Variants in POLA2 observed in about 807,000 individuals in gnomAD.
POLA2 encodes DNA polymerase alpha subunit B.
POLA2 carries 47 observed loss-of-function variants against 82.8 expected under a neutral mutation model. The observed-to-expected ratio is 0.57, with a 90% confidence interval of 0.45 to 0.72. The LOEUF (loss-of-function observed/expected upper bound fraction) is 0.72. POLA2 is among the 30% of genes least tolerant of loss of function. The pLI is 0.00. For missense variants in POLA2, 634 were observed against 728.1 expected (o/e 0.87, Z 1.49); for synonymous variants, 287 against 286.8 (o/e 1.00, Z -0.01).
intron 13 of POLA2, among the ~76,000 whole-genome samples, chr11:65,291,464 TC>T (rs1276491725): frequency 6.6e-6 from 1 of 152,136 alleles, no homozygotes; most frequent in Non-Finnish European, 1.5e-5. Context: ...TGCCCTTTCC[TC>T]CCCTGCCTCC....
chr11:65,262,460 C>A, intron 1 of POLA2, 89 bp downstream of exon 1: 1 of 1,035,972 alleles, frequency 9.7e-7, no homozygotes, highest in Non-Finnish European at 1.4e-6. Context: ...GGAGCGCTTC[C>A]AATTTCCACT....
chr11:65,284,496 A>G (rs1038192840), intron 10 of POLA2, among the ~76,000 whole-genome samples: 1 of 144,342 alleles, frequency 6.9e-6, no homozygotes, highest in African/African-American at 2.6e-5. Context: ...AAATATATGT[A>G]TGTATTTCTG....
chr11:65,288,343 AC>A (rs1949718977), intron 11 of POLA2, among the ~76,000 whole-genome samples: 1 of 151,898 alleles, frequency 6.6e-6, no homozygotes, highest in South Asian at 2.1e-4. Flanking sequence ...TTTTTTTTCC[AC>A]CCTTCGTTGA....
chr11:65,286,232 C>T (rs186835703), intron 10 of POLA2, among the ~76,000 whole-genome samples: 79 of 152,094 alleles, frequency 5.2e-4, no homozygotes, highest in African/African-American at 1.6e-3. Flanking sequence ...CTGGCTTTGC[C>T]GCTGCAGGTG....
At chr11:65,272,048 A>T (rs1315104255) in intron 4 of POLA2, among the ~76,000 whole-genome samples, 1 of 152,038 alleles carries the variant, frequency 6.6e-6, no homozygotes, top group Non-Finnish European at 1.5e-5. Flanking sequence ...GGTGGCTCAC[A>T]CCTGTAATCC....
intron 10 of POLA2, among the ~76,000 whole-genome samples, chr11:65,285,900 C>CA (rs981800218): frequency 6.6e-6 from 1 of 152,222 alleles, no homozygotes; most frequent in Non-Finnish European, 1.5e-5. Context: ...CCCACCACCA[C>CA]ATGAAACCTG....
At chr11:65,279,679 T>C (rs1432593684) in intron 7 of POLA2, 53 bp downstream of exon 7, 3 of 1,214,144 alleles carry the variant, frequency 2.5e-6, no homozygotes, top group Non-Finnish European at 3.6e-6. Flanking sequence ...TTTAAATCGA[T>C]GACCAAGAGG....
chr11:65,285,669 A>C (rs1259012871), intron 10 of POLA2, among the ~76,000 whole-genome samples: 3 of 152,154 alleles, frequency 2.0e-5, no homozygotes, highest in Admixed American at 2.0e-4. Context: ...CAGGTAATGA[A>C]ATCAACCTGG....
At chr11:65,289,222 CA>C in intron 12 of POLA2, 134 bp downstream of exon 12, 1 of 674,596 alleles carries the variant, frequency 1.5e-6, no homozygotes, top group East Asian at 2.7e-5. Context: ...ATCATTTTAG[CA>C]GAGCACTTTA....
At chr11:65,295,670 C>A in intron 16 of POLA2, 71 bp downstream of exon 16, 4 of 1,405,130 alleles carry the variant, frequency 2.8e-6, no homozygotes, top group Non-Finnish European at 4.0e-6. Flanking sequence ...ACAAGCATGA[C>A]TGTAAGAGCC....
chr11:65,263,294 A>G (rs926141990), intron 1 of POLA2, among the ~76,000 whole-genome samples: 2 of 137,030 alleles, frequency 1.5e-5, no homozygotes, highest in African/African-American at 2.8e-5. Flanking sequence ...ATCTCGGCTC[A>G]CTTCAGCCTC....
intron 13 of POLA2, among the ~76,000 whole-genome samples, chr11:65,292,650 C>T (rs1195155240): frequency 2.0e-5 from 3 of 152,200 alleles, no homozygotes; most frequent in Admixed American, 2.0e-4. Context: ...TTCTCAGTGT[C>T]AAAGGGACAA....
chr11:65,293,824 T>G (rs1422738645), intron 13 of POLA2, among the ~76,000 whole-genome samples: 2 of 152,212 alleles, frequency 1.3e-5, no homozygotes, highest in Non-Finnish European at 2.9e-5. Context: ...CTTGTCTTTC[T>G]AGACTTTCTA....
Position 65,295,955 on chromosome 11 carries a change from C to G in POLA2, c.1612C>G (p.Leu538Val). 6.2e-7 allele frequency: 1 copy of G among 1,614,192 alleles called. No individual in the cohort carries two copies. The highest frequency in any genetic ancestry group is 8.5e-7 in the Non-Finnish European group (1 of 1,180,004). Residue 538 changes from leucine to valine, a missense_variant, in exon 17 of 18, where the codon CTC (leucine) becomes GTC (valine). By Grantham distance (32) the Leu-to-Val change is conservative. Transcript: ENST00000265465. ...ACAGCTGCCTGTCACCCCAGATGTC[C>G]TCATCATCCCGTCAGAGCTGAGGTA... ...YAQLPVTPDV[L>V]IIPSELRYFV... is the part of the protein sequence containing the mutation.
chr11:65,281,133 C>T lies in POLA2; in HGVS notation c.886C>T (p.Leu296=). The T allele has an allele frequency of 6.2e-7, 1 of 1,614,104 alleles. No individual in the cohort carries two copies. Residue 296 remains leucine, a synonymous_variant, in exon 8 of 18, where the codon CTG becomes TTG. Coordinates refer to ENST00000265465, the MANE Select transcript of POLA2 (RefSeq NM_002689.4). ...VDLSELKEYS[L]FPGQVVIMEG... ...TTTATCTGAGCTTAAGGAATATTCTCTGTTTCCTGGACAGGTGAGATTGGA... is the reference window on the plus strand; with the variant it reads ...TTTATCTGAGCTTAAGGAATATTCTTTGTTTCCTGGACAGGTGAGATTGGA...
At chr11:65,265,241 G>A (rs1211973038) in intron 1 of POLA2, among the ~76,000 whole-genome samples, 4 of 151,376 alleles carry the variant, frequency 2.6e-5, no homozygotes, top group East Asian at 1.9e-4. Context: ...AAAAAAAAGG[G>A]GGGGGGCCTT....
At chr11:65,305,710 T>G, downstream of POLA2, 1 of 242,100 alleles carries the variant, frequency 4.1e-6, no homozygotes, top group Non-Finnish European at 8.3e-6. Flanking sequence ...CACCACTGCA[T>G]GTATCTTTTG....
intron 11 of POLA2, among the ~76,000 whole-genome samples, chr11:65,288,745 C>T (rs1949724635): frequency 6.6e-6 from 1 of 152,146 alleles, no homozygotes; most frequent in Non-Finnish European, 1.5e-5. Context: ...GTCTTGAACT[C>T]CTGGGCTCAG....
chr11:65,305,972 C>T (rs1233955827), downstream of POLA2, among the ~76,000 whole-genome samples: 2 of 152,204 alleles, frequency 1.3e-5, no homozygotes, highest in African/African-American at 2.4e-5. Flanking sequence ...CAAAATATAA[C>T]GTTAACTGGA....
Sources: allele counts gnomAD v4.1 joint callset (sites outside exome capture counted in the v4.1 genomes callset), GRCh38; gene constraint gnomAD v4.1.1; transcripts MANE v1.5; gene names NCBI Gene and HGNC (gene_info 2026-07-23, HGNC 2026-07-21).